Variants in DRC8 observed in about 807,000 individuals in gnomAD.
DRC8 encodes the protein dynein regulatory complex subunit 8, also known as dynein regulatory complex protein 8.
chr1:244,985,076 GTTTTTT>G, the DRC8 span, among the ~76,000 whole-genome samples: 75,324 of 130,976 alleles, frequency 0.58, 21,754 homozygotes, highest in East Asian at 0.77. Flanking sequence ...TGTCTCCAGG[GTTTTTT>G]TTTTTTTTTT....
chr1:245,099,693 G>T, the DRC8 span, among the ~76,000 whole-genome samples: 2 of 152,238 alleles, frequency 1.3e-5, no homozygotes, highest in Non-Finnish European at 2.9e-5. Flanking sequence ...GCTTGAGGGG[G>T]TGGTGAGAAG....
chr1:244,994,742 T>G, the DRC8 span, among the ~76,000 whole-genome samples: 1 of 152,190 alleles, frequency 6.6e-6, no homozygotes, highest in Non-Finnish European at 1.5e-5. Context: ...AAACTTCTTT[T>G]TAAACCCTGT....
At chr1:245,072,780 A>G in the DRC8 span, among the ~76,000 whole-genome samples, 2 of 152,220 alleles carry the variant, frequency 1.3e-5, no homozygotes, top group Non-Finnish European at 2.9e-5. Context: ...CCTTGGTGAT[A>G]AATGACTTCA....
chr1:245,056,487 C>T, the DRC8 span, among the ~76,000 whole-genome samples: 2 of 152,330 alleles, frequency 1.3e-5, no homozygotes, highest in Admixed American at 6.5e-5. Context: ...CAGTGGAATT[C>T]TCACTTTCTC....
At chr1:245,054,577 A>G in the DRC8 span, among the ~76,000 whole-genome samples, 4 of 151,712 alleles carry the variant, frequency 2.6e-5, no homozygotes, top group African/African-American at 9.7e-5. Flanking sequence ...CCTCTCCTGG[A>G]TGTTCACTTC....
the DRC8 span, among the ~76,000 whole-genome samples, chr1:244,999,099 A>C: frequency 6.8e-6 from 1 of 146,658 alleles, no homozygotes; most frequent in Non-Finnish European, 1.5e-5. Context: ...AAAGGAGAGG[A>C]AGGGGAGGGG....
At chr1:245,057,272 TTA>T in the DRC8 span, among the ~76,000 whole-genome samples, 671 of 152,350 alleles carry the variant, frequency 4.4e-3, 1 homozygote, top group African/African-American at 0.015. Context: ...TAGGCGAAAC[TTA>T]TATAGGTTGG....
chr1:245,054,368 T>C, the DRC8 span, among the ~76,000 whole-genome samples: 1 of 152,034 alleles, frequency 6.6e-6, no homozygotes, highest in Non-Finnish European at 1.5e-5. Flanking sequence ...TTTCACTTCT[T>C]AGATCCTCCT....
At chr1:245,029,601 GTT>G in the DRC8 span, among the ~76,000 whole-genome samples, 1 of 129,732 alleles carries the variant, frequency 7.7e-6, no homozygotes. Context: ...GCCCAGCCCT[GTT>G]TTTTTTTTTG....
chr1:245,015,109 A>G, the DRC8 span, among the ~76,000 whole-genome samples: 2 of 152,150 alleles, frequency 1.3e-5, no homozygotes, highest in Non-Finnish European at 2.9e-5. Flanking sequence ...ACTGTTTGAT[A>G]CATTTTGACA....
At chr1:245,070,699 T>C in the DRC8 span, among the ~76,000 whole-genome samples, 5 of 152,170 alleles carry the variant, frequency 3.3e-5, no homozygotes, top group Non-Finnish European at 7.3e-5. Flanking sequence ...ATGGTTTTAT[T>C]TATCTCTTTT....
At chr1:245,096,123 C>A in the DRC8 span, among the ~76,000 whole-genome samples, 1 of 152,190 alleles carries the variant, frequency 6.6e-6, no homozygotes, top group Admixed American at 6.5e-5. Context: ...AAACAACAAA[C>A]CCCTCGGCTG....
At chr1:245,074,154 G>A in the DRC8 span, among the ~76,000 whole-genome samples, 38 of 152,182 alleles carry the variant, frequency 2.5e-4, no homozygotes, top group African/African-American at 8.9e-4. Flanking sequence ...GGGAAAGGAG[G>A]GTCACTTTTT....
the DRC8 span, among the ~76,000 whole-genome samples, chr1:245,118,795 A>AAAAAAAAGAAAAGAAAAG: frequency 7.2e-6 from 1 of 138,484 alleles, no homozygotes; most frequent in Non-Finnish European, 1.5e-5. Flanking sequence ...GCCATCTCAA[A>AAAAAAAAGAAAAGAAAAG]AAAAGAAAAG....
chr1:245,088,543 G>A, the DRC8 span, among the ~76,000 whole-genome samples: 1 of 152,282 alleles, frequency 6.6e-6, no homozygotes, highest in South Asian at 2.1e-4. The surrounding 1 kb of genome is among the most constrained non-coding windows in gnomAD (Gnocchi z 4.6). Flanking sequence ...GCTGGGAACC[G>A]GAGTCCCTAA....
the DRC8 span, among the ~76,000 whole-genome samples, chr1:244,989,825 A>G: frequency 6.6e-6 from 1 of 152,166 alleles, no homozygotes; most frequent in African/African-American, 2.4e-5. Flanking sequence ...TCCTCTATTC[A>G]TGGTTTGGCT....
chr1:245,068,673 C>T, the DRC8 span, among the ~76,000 whole-genome samples: 1 of 151,620 alleles, frequency 6.6e-6, no homozygotes, highest in African/African-American at 2.4e-5. Flanking sequence ...AACTCCTGGC[C>T]TCAAGTGATC....
At chr1:245,005,870 G>T in the DRC8 span, among the ~76,000 whole-genome samples, 1 of 152,166 alleles carries the variant, frequency 6.6e-6, no homozygotes, top group African/African-American at 2.4e-5. Flanking sequence ...TGACGAATGG[G>T]AGATAGCCAG....
chr1:245,080,979 C>A, the DRC8 span, among the ~76,000 whole-genome samples: 52,121 of 152,008 alleles, frequency 0.34, 9,249 homozygotes, highest in Middle Eastern at 0.41. Flanking sequence ...TCAGTTTCCT[C>A]TAGGTGACTG....
Sources: gnomAD v4.1 joint callset for allele counts (sites outside exome capture counted in the v4.1 genomes callset) on GRCh38, gnomAD v4.1.1 for gene constraint, Gnocchi (gnomAD v3.1) non-coding constraint, MANE v1.5 for transcripts, NCBI Gene and HGNC (gene_info 2026-07-23, HGNC 2026-07-21) for gene names.